The following UBE2D2 variants were observed in gnomAD, a reference collection of about 807,000 sequenced individuals.
UBE2D2 encodes ubiquitin conjugating enzyme E2 D2.
UBE2D2 carries 2 observed loss-of-function variants against 24.2 expected under a neutral mutation model. The observed-to-expected ratio is 0.08, with a 90% CI of 0.03 to 0.26. UBE2D2 has a LOEUF of 0.26. UBE2D2 is among the 10% of genes least tolerant of loss of function. The probability of loss-of-function intolerance (pLI) is 1.00; values close to 1 mark genes in which losing one functional copy is unlikely to be tolerated. For synonymous variants in UBE2D2, 58 were observed against 56.5 expected (o/e 1.03, Z -0.12); for missense variants, 44 against 177.6 (o/e 0.25, Z 4.28).
At position 139,561,791 on chromosome 5, in the gene UBE2D2, C is replaced by T; in HGVS notation, c.-1C>T. On this transcript the variant is annotated 5_prime_UTR_variant, in exon 1 of 7. Coordinates refer to ENST00000398733, the MANE Select transcript of UBE2D2 (RefSeq NM_003339.3). The stretch of plus-strand genomic sequence containing the variant: ...GGGGCCGCCGCCACCCGCCTCCCAC[C>T]ATGGCTCTGAAGAGAATCCACAAGG... The T allele has an allele frequency of 2.7e-6, 4 of 1,506,502 alleles. No homozygotes were observed. The highest frequency in any genetic ancestry group is 3.5e-6 in the Non-Finnish European group (4 of 1,135,154). 93.3% of individuals were successfully genotyped at this position (1,506,502 alleles called of 1,614,324 possible).
Position 139,615,042 on chromosome 5 carries a change from A to G in UBE2D2, c.304+76A>G, listed in dbSNP as rs111977537. 5.3e-5 allele frequency: 71 copies of G among 1,345,244 alleles called. 3 individuals are homozygous for G. In the African/African-American group the frequency reaches 5.5e-4, roughly 10 times the overall value. 83.3% of individuals were successfully genotyped at this position (1,345,244 alleles called of 1,614,324 possible). A position where few individuals can be genotyped will look rare whatever the true frequency, so the allele number is the denominator to read the frequency against. ...TTTAGAGTTATTTATTTTTGAAAAG[A>G]TTACTTATGTTTCTTTTAAGAAGAG... On this transcript the variant is annotated intron_variant, in intron 5 of 6. Coordinates refer to ENST00000398733, the MANE Select transcript of UBE2D2 (RefSeq NM_003339.3).
intron 1 of UBE2D2, among the ~76,000 whole-genome samples, chr5:139,539,901 T>A (rs1752733437): frequency 6.6e-6 from 1 of 150,784 alleles, no homozygotes; most frequent in Admixed American, 6.6e-5. Flanking sequence ...CCGGACAATA[T>A]CCTTGTTTTG....
Position 139,623,473 on chromosome 5 carries a change from C to T in UBE2D2, c.398+12C>T. On this transcript the variant is annotated intron_variant, in intron 6 of 6. Coordinates refer to ENST00000398733, the MANE Select transcript of UBE2D2 (RefSeq NM_003339.3). ...ACAGATAGAGAAAAGTAAGTATGGC[C>T]TCAAGATGGAAAGTTATCTGTGGTG... 2 of 1,589,856 alleles carry T rather than the reference C, an allele frequency of 1.3e-6. No homozygotes were observed. The highest frequency in any genetic ancestry group is 1.3e-5 in the African/African-American group (1 of 74,692).
chr5:139,572,588 C>G (rs1172022999), intron 1 of UBE2D2, among the ~76,000 whole-genome samples: 1 of 151,008 alleles, frequency 6.6e-6, no homozygotes, highest in Non-Finnish European at 1.5e-5. Context: ...AGAGCGAGAT[C>G]TGTCTCTTAA....
chr5:139,590,811 T>C (rs1581514434), intron 1 of UBE2D2, among the ~76,000 whole-genome samples: 2 of 142,836 alleles, frequency 1.4e-5, no homozygotes, highest in South Asian at 2.3e-4. Context: ...TTTTTTTTTT[T>C]TGAGATGTAG....
intron 1 of UBE2D2, among the ~76,000 whole-genome samples, chr5:139,528,465 G>T (rs554755586): frequency 6.6e-6 from 1 of 152,164 alleles, no homozygotes; most frequent in African/African-American, 2.4e-5. Flanking sequence ...AGAATGTAGG[G>T]CCCTGACCAA....
chr5:139,544,553 G>A (rs1476094201), intron 1 of UBE2D2, among the ~76,000 whole-genome samples: 1 of 151,700 alleles, frequency 6.6e-6, no homozygotes, highest in South Asian at 2.1e-4. Context: ...AGCCTCCCAA[G>A]TGCTGGTATT....
intron 2 of UBE2D2, among the ~76,000 whole-genome samples, chr5:139,605,591 C>CAAAAAAAAAAAAAAAAAA (rs70988710): frequency 2.2e-5 from 1 of 44,708 alleles, no homozygotes; most frequent in Non-Finnish European, 4.1e-5. Flanking sequence ...GACTCTGTCT[C>CAAAAAAAAAAAAAAAAAA]AAAAAAAAAA....
intron 1 of UBE2D2, among the ~76,000 whole-genome samples, chr5:139,596,291 C>T (rs1753958051): frequency 6.7e-6 from 1 of 150,174 alleles, no homozygotes; most frequent in East Asian, 2.0e-4. Context: ...ATCTGAATGT[C>T]CTGTGTGTGT....
intron 2 of UBE2D2, among the ~76,000 whole-genome samples, chr5:139,609,875 G>A (rs183970546): frequency 0.014 from 2,061 of 150,720 alleles, 44 homozygotes; most frequent in African/African-American, 0.047. Context: ...GGGTTCAAGC[G>A]ATTCTCCTTC....
intron 1 of UBE2D2, among the ~76,000 whole-genome samples, chr5:139,538,924 T>G (rs943300806): frequency 6.6e-6 from 1 of 151,986 alleles, no homozygotes; most frequent in Admixed American, 6.6e-5. Flanking sequence ...AAAAAAATGT[T>G]TAAGTACATT....
chr5:139,566,261 C>T (rs1753214258), intron 1 of UBE2D2, among the ~76,000 whole-genome samples: 2 of 152,054 alleles, frequency 1.3e-5, no homozygotes, highest in Non-Finnish European at 2.9e-5. Flanking sequence ...TCAGGAGATC[C>T]GTCCGTCTCG....
intron 1 of UBE2D2, among the ~76,000 whole-genome samples, chr5:139,595,493 C>T (rs1753939549): frequency 6.6e-6 from 1 of 152,096 alleles, no homozygotes; most frequent in African/African-American, 2.4e-5. Context: ...ATTCTCCTGC[C>T]TCAGGCTCCT....
intron 1 of UBE2D2, among the ~76,000 whole-genome samples, chr5:139,564,883 C>T (rs1167333251): frequency 6.6e-6 from 1 of 152,116 alleles, no homozygotes; most frequent in Admixed American, 6.6e-5. Context: ...TTTGGTATAC[C>T]ACTCAAAAAG....
intron 1 of UBE2D2, among the ~76,000 whole-genome samples, chr5:139,540,764 G>T (rs1752749566): frequency 6.6e-6 from 1 of 152,158 alleles, no homozygotes; most frequent in South Asian, 2.1e-4. Context: ...GCCAAGGTGG[G>T]CGGATCACCT....
At chr5:139,582,260 T>TA (rs1753619218) in intron 1 of UBE2D2, among the ~76,000 whole-genome samples, 1 of 151,234 alleles carries the variant, frequency 6.6e-6, no homozygotes, top group South Asian at 2.1e-4. Flanking sequence ...TTATAGGCCT[T>TA]ACACAATTTT....
At chr5:139,598,862 A>G (rs1194592141) in intron 1 of UBE2D2, among the ~76,000 whole-genome samples, 1 of 150,170 alleles carries the variant, frequency 6.7e-6, no homozygotes, top group Non-Finnish European at 1.5e-5. Context: ...CGCTCCTGGG[A>G]ACTACAAAGC....
chr5:139,543,320 C>T (rs1315385120), intron 1 of UBE2D2, among the ~76,000 whole-genome samples: 1 of 152,192 alleles, frequency 6.6e-6, no homozygotes, highest in Non-Finnish European at 1.5e-5. Context: ...ACATTAGTTA[C>T]ATTATTCTGG....
chr5:139,540,594 C>T (rs1052620830), intron 1 of UBE2D2, among the ~76,000 whole-genome samples: 1 of 151,342 alleles, frequency 6.6e-6, no homozygotes, highest in Non-Finnish European at 1.5e-5. Context: ...CTGTTATTAT[C>T]CCAGTATACC....
Sources: allele counts gnomAD v4.1 joint callset (sites outside exome capture counted in the v4.1 genomes callset), GRCh38; gene constraint gnomAD v4.1.1; transcripts MANE v1.5; gene names NCBI Gene and HGNC (gene_info 2026-07-23, HGNC 2026-07-21).